The following GPC5 variants were observed in gnomAD, a reference collection of about 807,000 sequenced individuals.
GPC5 encodes glypican-5.
A neutral mutation model predicts 53.9 loss-of-function variants in GPC5; 47 were observed. That is an observed-to-expected ratio of 0.87 (90% CI 0.69 to 1.11). GPC5 has a LOEUF of 1.11. GPC5 is among the 50% of genes most tolerant of loss of function. The pLI, the probability that GPC5 is intolerant of heterozygous loss-of-function variation, is 0.00. For missense variants in GPC5, 748 were observed against 713.1 expected, an observed-to-expected ratio of 1.05 and a Z score of -0.56; for synonymous variants, 286 against 263.3, an observed-to-expected ratio of 1.09 and a Z score of -0.84.
At chr13:92,272,978 A>T (rs1047447199) in intron 7 of GPC5, among the ~76,000 whole-genome samples, 1 of 152,284 alleles carries the variant, frequency 6.6e-6, no homozygotes, top group East Asian at 1.9e-4. Flanking sequence ...AAGCAAGTCA[A>T]CTTGTGAAAG....
chr13:92,198,816 C>G (rs1211825428), intron 7 of GPC5, among the ~76,000 whole-genome samples: 1 of 152,108 alleles, frequency 6.6e-6, no homozygotes, highest in African/African-American at 2.4e-5. Context: ...ACATCTCTAT[C>G]TCAGAAACCG....
intron 7 of GPC5, among the ~76,000 whole-genome samples, chr13:92,807,221 G>A (rs576097735): frequency 6.6e-6 from 1 of 152,084 alleles, no homozygotes; most frequent in South Asian, 2.1e-4. Context: ...ACAGTGGAGA[G>A]CTTGTTCGCC....
rs139586348 is a variant in GPC5 at position 92,849,995 on chromosome 13, T to A, written c.1562-16287T>A. On this transcript the variant is annotated intron_variant, in intron 7 of 7. Coordinates refer to ENST00000377067, the MANE Select transcript of GPC5 (RefSeq NM_004466.6). ...TGCCATAGACATAGCCAGAGAGTCA[T>A]GACAAAGATTCAGTGGCAAGACCCC... Among the ~76,000 whole-genome samples the A allele has an allele frequency of 9.8e-5, 15 of 152,294 alleles. No individual in the cohort carries two copies. The East Asian group carries it at 1.5e-3, about 16-fold the overall frequency.
intron 7 of GPC5, among the ~76,000 whole-genome samples, chr13:92,541,466 T>A (rs1436568902): frequency 6.6e-6 from 1 of 151,908 alleles, no homozygotes; most frequent in Admixed American, 6.6e-5. Flanking sequence ...TGTTCCTTTC[T>A]TTGTGTTGTG....
intron 2 of GPC5, among the ~76,000 whole-genome samples, chr13:91,680,514 G>C (rs376683871): frequency 1.3e-5 from 2 of 152,142 alleles, no homozygotes; most frequent in African/African-American, 4.8e-5. Context: ...CATAACTTAT[G>C]AACTAACATG....
intron 2 of GPC5, among the ~76,000 whole-genome samples, chr13:91,609,239 C>T (rs1250682876): frequency 6.6e-6 from 1 of 151,480 alleles, no homozygotes; most frequent in East Asian, 2.0e-4. Flanking sequence ...ATATTAGGTG[C>T]CAGTAGCTAA....
intron 3 of GPC5, among the ~76,000 whole-genome samples, chr13:91,720,244 C>G (rs1213932669): frequency 6.6e-6 from 1 of 152,138 alleles, no homozygotes; most frequent in Admixed American, 6.5e-5. Context: ...TCTTGCACCC[C>G]CACTGATCAC....
At chr13:92,594,428 G>A (rs1883804523) in intron 7 of GPC5, among the ~76,000 whole-genome samples, 1 of 152,222 alleles carries the variant, frequency 6.6e-6, no homozygotes, top group Non-Finnish European at 1.5e-5. Flanking sequence ...TTTAATGAAT[G>A]GTAAGACAGT....
intron 6 of GPC5, among the ~76,000 whole-genome samples, chr13:92,003,207 G>A (rs544912594): frequency 6.6e-6 from 1 of 151,658 alleles, no homozygotes; most frequent in South Asian, 2.1e-4. Flanking sequence ...GCTACTCCCA[G>A]CTACTCAGGA....
Position 91,836,521 on chromosome 13 carries a change from AT to A in GPC5, c.1281-71413del, listed in dbSNP as rs540926626. 1.4e-4 allele frequency among the ~76,000 whole-genome samples: 22 copies of A among 152,166 alleles called. 1 individual carries two copies. The East Asian group carries it at 4.2e-3, about 29-fold the overall frequency. ...TTCAATTATGAATATATACTGAGTG[AT>A]TTACAGATTAGCTCTTTTTGATAAA... On this transcript the variant is annotated intron_variant, in intron 5 of 7. Transcript: ENST00000377067.
intron 6 of GPC5, among the ~76,000 whole-genome samples, chr13:91,984,923 C>A (rs1326650181): frequency 1.3e-5 from 2 of 152,122 alleles, no homozygotes; most frequent in African/African-American, 4.8e-5. Context: ...GTTCAAATGT[C>A]CATCTAAAAG....
intron 7 of GPC5, among the ~76,000 whole-genome samples, chr13:92,383,451 A>G (rs1199984734): frequency 6.6e-6 from 1 of 152,224 alleles, no homozygotes; most frequent in Non-Finnish European, 1.5e-5. Flanking sequence ...TAAACAAAGG[A>G]AATAGTGATA....
chr13:92,825,107 T>C (rs1163710664), intron 7 of GPC5, among the ~76,000 whole-genome samples: 1 of 152,126 alleles, frequency 6.6e-6, no homozygotes, highest in Non-Finnish European at 1.5e-5. Flanking sequence ...TTAATCTCTA[T>C]GATTTTTGAT....
intron 5 of GPC5, among the ~76,000 whole-genome samples, chr13:91,901,255 A>G (rs2039494645): frequency 6.6e-6 from 1 of 152,072 alleles, no homozygotes; most frequent in Non-Finnish European, 1.5e-5. Flanking sequence ...CATTATTTAT[A>G]TGTAATTATA....
intron 6 of GPC5, among the ~76,000 whole-genome samples, chr13:91,951,054 GTA>G (rs1166906633): frequency 1.3e-5 from 2 of 152,118 alleles, no homozygotes; most frequent in African/African-American, 4.8e-5. Context: ...AAATTTCTGT[GTA>G]TCACTCTACA....
intron 5 of GPC5, among the ~76,000 whole-genome samples, chr13:91,806,120 C>G (rs2038216940): frequency 6.8e-6 from 1 of 147,372 alleles, no homozygotes; most frequent in Admixed American, 6.8e-5. Context: ...ACTGCAACCT[C>G]CACCTCCCGG....
At chr13:92,060,134 T>A (rs1467181930) in intron 6 of GPC5, among the ~76,000 whole-genome samples, 1 of 152,002 alleles carries the variant, frequency 6.6e-6, no homozygotes, top group African/African-American at 2.4e-5. Context: ...TAATGTGTAT[T>A]CTTCATTTTT....
rs1566446337 is a variant in GPC5 at position 92,125,923 on chromosome 13, G to GTTTTT, written c.1402-18907_1402-18906insTTTTT. Among the ~76,000 whole-genome samples the GTTTTT allele has an allele frequency of 4.6e-4, 19 of 41,536 alleles. 8 individuals are homozygous for GTTTTT. Among genetic ancestry groups the GTTTTT allele is most frequent in the Non-Finnish European group, 6.4e-4 (13 of 20,260 alleles). The allele number at this position is 41,536 out of a possible 152,430, so 27.2% of individuals were successfully genotyped here. ...ATTAGAAAGGAAACATTTGTTTTTTGGTTTTTTTTTTTTTTTTTTTTTTTT... is the reference window on the plus strand; with the variant it reads ...ATTAGAAAGGAAACATTTGTTTTTTGTTTTTGTTTTTTTTTTTTTTTTTTTTTTTT... On this transcript the variant is annotated intron_variant, in intron 6 of 7. Transcript: ENST00000377067.
chr13:91,874,663 A>G (rs2039183005), intron 5 of GPC5, among the ~76,000 whole-genome samples: 1 of 152,156 alleles, frequency 6.6e-6, no homozygotes, highest in African/African-American at 2.4e-5. Context: ...GAATTCTGAA[A>G]TACAGCTTAG....
Sources: allele counts gnomAD v4.1 joint callset (sites outside exome capture counted in the v4.1 genomes callset), GRCh38; gene constraint gnomAD v4.1.1; transcripts MANE v1.5; gene names NCBI Gene and HGNC (gene_info 2026-07-23, HGNC 2026-07-21).